TTC7B: variants seen among roughly 807,000 people sequenced by gnomAD.
The protein encoded by TTC7B is tetratricopeptide repeat protein 7B.
TTC7B carries 28 observed loss-of-function variants against 106.8 expected under a neutral mutation model. That is an observed-to-expected ratio of 0.26 (90% confidence interval 0.19 to 0.36). TTC7B has a LOEUF of 0.36. Among genes scored for constraint, TTC7B ranks in the 10% least tolerant of loss-of-function variants. The pLI is 1.00. For synonymous variants in TTC7B, 405 were observed against 430.6 expected, an observed-to-expected ratio of 0.94 and a Z score of 0.74; for missense variants, 862 against 1,076.4, an observed-to-expected ratio of 0.80 and a Z score of 2.79.
At chr14:90,601,671 C>T in intron 17 of TTC7B, among the ~76,000 whole-genome samples, 1 of 152,144 alleles carries the variant, frequency 6.6e-6, no homozygotes. Flanking sequence ...CCCGGGTCCT[C>T]TAAGAAGTGA....
At chr14:90,601,352 T>C (rs1338538693) in intron 17 of TTC7B, among the ~76,000 whole-genome samples, 1 of 152,160 alleles carries the variant, frequency 6.6e-6, no homozygotes, top group Non-Finnish European at 1.5e-5. Context: ...CATTCTTGAG[T>C]GTTAGAAAAT....
intron 5 of TTC7B, among the ~76,000 whole-genome samples, chr14:90,718,594 C>G (rs7154098): frequency 0.14 from 21,494 of 151,970 alleles, 1,666 homozygotes; most frequent in East Asian, 0.31. Context: ...GAATAGGAGC[C>G]GTAAGTTCCA....
rs1891203356 is a variant in TTC7B at position 90,780,986 on chromosome 14, G to C, written c.277-80C>G. 2.3e-6 allele frequency: 3 copies of C among 1,311,820 alleles called. No homozygotes were observed. In the Admixed American group the frequency reaches 5.3e-5, roughly 23 times the overall value. The allele number at this position is 1,311,820 out of a possible 1,614,324, so 81.3% of individuals were successfully genotyped here. ...CTCCCTCAGAGTCTGGCCAGCTGCT[G>C]CCGTAAAACCCCACAGCTCCCCGCA... On this transcript the variant is annotated intron_variant, in intron 2 of 19. Coordinates refer to ENST00000328459, the MANE Select transcript of TTC7B (RefSeq NM_001010854.2).
At chr14:90,793,543 T>C (rs964056991) in intron 1 of TTC7B, among the ~76,000 whole-genome samples, 12 of 146,644 alleles carry the variant, frequency 8.2e-5, no homozygotes, top group African/African-American at 2.5e-4. Flanking sequence ...AAAAAAAGAA[T>C]CTCTTTCCTT....
At chr14:90,568,150 C>T (rs1251742653) in intron 19 of TTC7B, among the ~76,000 whole-genome samples, 2 of 152,050 alleles carry the variant, frequency 1.3e-5, no homozygotes, top group South Asian at 2.1e-4. Flanking sequence ...CAGAGGCAGG[C>T]GGTGTGGGGG....
intron 17 of TTC7B, among the ~76,000 whole-genome samples, chr14:90,598,608 G>A (rs1178232434): frequency 6.6e-6 from 1 of 152,190 alleles, no homozygotes; most frequent in African/African-American, 2.4e-5. Context: ...CCCTTCCTGA[G>A]GTTTTCTGAC....
chr14:90,621,967 G>A (rs1247653695), intron 15 of TTC7B, among the ~76,000 whole-genome samples: 2 of 152,094 alleles, frequency 1.3e-5, no homozygotes, highest in African/African-American at 4.8e-5. Flanking sequence ...ATGTGCTGAG[G>A]AAACCCTGAG....
At chr14:90,768,692 A>G (rs554835221) in intron 3 of TTC7B, among the ~76,000 whole-genome samples, 1 of 152,366 alleles carries the variant, frequency 6.6e-6, no homozygotes, top group Admixed American at 6.5e-5. Context: ...ACTGCCCTGC[A>G]AGAAATGCTC....
chr14:90,609,092 G>T (rs1195877363), intron 17 of TTC7B, among the ~76,000 whole-genome samples: 1 of 152,188 alleles, frequency 6.6e-6, no homozygotes, highest in African/African-American at 2.4e-5. Context: ...ACAATGACGG[G>T]GCCTAAACAG....
rs1008736590 is a variant in TTC7B at position 90,805,903 on chromosome 14, C to T, written c.121+10272G>A. The stretch of plus-strand genomic sequence containing the variant: ...CCCCCGGGGAAGGTGGGGCTGTGGC[C>T]TTTGCCTCTGGAAGGGACTGCCCTT... On this transcript the variant is annotated intron_variant, in intron 1 of 19. Transcript: ENST00000328459. This position sits in a 1 kb window ranked among gnomAD's most constrained non-coding sequence, Gnocchi z 4.0. Among the ~76,000 whole-genome samples, 1 of 152,234 alleles carries T rather than the reference C, an allele frequency of 6.6e-6. No individual in the cohort carries two copies. Among genetic ancestry groups the T allele is most frequent in the Admixed American group, 6.5e-5 (1 of 15,284 alleles).
At chr14:90,681,080 T>C (rs1017750196) in intron 7 of TTC7B, among the ~76,000 whole-genome samples, 2 of 152,242 alleles carry the variant, frequency 1.3e-5, no homozygotes, top group Admixed American at 6.5e-5. Flanking sequence ...AGAGCTCTTA[T>C]TAATCTATTT....
chr14:90,694,948 T>C (rs1317779879), intron 6 of TTC7B, among the ~76,000 whole-genome samples: 5 of 137,034 alleles, frequency 3.6e-5, no homozygotes, highest in Non-Finnish European at 7.6e-5. Flanking sequence ...GTCACATATA[T>C]TTATTATAAA....
At chr14:90,749,738 T>C (rs1312840057) in intron 3 of TTC7B, among the ~76,000 whole-genome samples, 1 of 152,246 alleles carries the variant, frequency 6.6e-6, no homozygotes, top group Non-Finnish European at 1.5e-5. Context: ...TCATTTTGGA[T>C]AATTTCTATT....
At position 90,807,593 on chromosome 14, in the gene TTC7B, A is replaced by C. The variant is rs993261839; in HGVS notation, c.121+8582T>G. ...TGACCTGCTCACTCTATTTCTTCTG[A>C]TGCCCCTCTGATACCTGGTGCTGTG... On this transcript the variant is annotated intron_variant, in intron 1 of 19. Coordinates refer to ENST00000328459, the MANE Select transcript of TTC7B (RefSeq NM_001010854.2). The surrounding 1 kb of genome is among the most constrained non-coding windows in gnomAD (Gnocchi z 4.1). 6.6e-6 allele frequency among the ~76,000 whole-genome samples: 1 copy of C among 152,136 alleles called. No homozygotes were observed. Among genetic ancestry groups the C allele is most frequent in the African/African-American group, 2.4e-5 (1 of 41,426 alleles).
rs114976799 is a variant in TTC7B at position 90,700,140 on chromosome 14, C to T, written c.699-4562G>A. 4.3e-3 allele frequency among the ~76,000 whole-genome samples: 648 copies of T among 152,162 alleles called. 2 individuals are homozygous for T. The highest frequency in any genetic ancestry group is 0.015 in the African/African-American group (621 of 41,416). ...TAACTAGAACAGCCTAGTATGCCCT[C>T]GGGGGCTTTGCTTATAGCGTGGAGA... On this transcript the variant is annotated intron_variant, in intron 5 of 19. Transcript: ENST00000328459.
intron 5 of TTC7B, among the ~76,000 whole-genome samples, chr14:90,726,810 G>A (rs1889120455): frequency 6.6e-6 from 1 of 152,222 alleles, no homozygotes; most frequent in Non-Finnish European, 1.5e-5. Flanking sequence ...CCTCTGCGGA[G>A]CCTCAACAAG....
chr14:90,575,888 C>T lies in TTC7B; in HGVS notation c.2310+2218G>A, dbSNP rs1595172182. On this transcript the variant is annotated intron_variant, in intron 19 of 19. Coordinates refer to ENST00000328459, the MANE Select transcript of TTC7B (RefSeq NM_001010854.2). The surrounding 1 kb of genome is among the most constrained non-coding windows in gnomAD (Gnocchi z 5.2). ...AGTTTATTATGATGACCCCTCTCTA[C>T]TGGCAAGATCTCCAAAGCAGCTCAT... 6.6e-6 allele frequency among the ~76,000 whole-genome samples: 1 copy of T among 152,268 alleles called. No individual in the cohort carries two copies. The highest frequency in any genetic ancestry group is 2.1e-4 in the South Asian group (1 of 4,822).
chr14:90,719,177 C>A (rs1595314450), intron 5 of TTC7B, among the ~76,000 whole-genome samples: 1 of 152,108 alleles, frequency 6.6e-6, no homozygotes, highest in African/African-American at 2.4e-5. Flanking sequence ...TTGAGGTTGA[C>A]ATGGGAGGAT....
At chr14:90,695,269 C>T (rs1321712572) in intron 6 of TTC7B, among the ~76,000 whole-genome samples, 1 of 127,968 alleles carries the variant, frequency 7.8e-6, no homozygotes, top group Non-Finnish European at 1.7e-5. Flanking sequence ...ATATGTCACA[C>T]ATACAATATA....
Sources: allele counts gnomAD v4.1 joint callset (sites outside exome capture counted in the v4.1 genomes callset), GRCh38; gene constraint gnomAD v4.1.1; non-coding constraint Gnocchi (gnomAD v3.1); transcripts MANE v1.5; gene names NCBI Gene and HGNC (gene_info 2026-07-23, HGNC 2026-07-21).